Variants in COL5A2 observed in about 807,000 individuals in gnomAD.
COL5A2 encodes the protein collagen type V alpha 2 chain, also known as collagen alpha-2(V) chain.
A neutral mutation model predicts 208.2 loss-of-function variants in COL5A2; 23 were observed. The ratio of observed to expected loss-of-function variants is 0.11; its 90% CI spans 0.08 to 0.16. The LOEUF is 0.16. COL5A2 is among the 10% of genes least tolerant of loss of function. COL5A2 has a pLI of 1.00. For synonymous variants in COL5A2, 625 were observed against 628.5 expected (o/e 0.99, Z 0.08); for missense variants, 1,590 against 1,956.4 (o/e 0.81, Z 3.53).
chr2:189,066,342 C>T (rs1167355222), intron 23 of COL5A2, 48 bp downstream of exon 23: 2 of 1,508,208 alleles, frequency 1.3e-6, no homozygotes, highest in Admixed American at 1.7e-5. Context: ...GACTTACACA[C>T]ATAATTCCCT....
the COL5A2 span, among the ~76,000 whole-genome samples, chr2:189,289,864 T>C: frequency 2.0e-5 from 3 of 152,180 alleles, no homozygotes; most frequent in Non-Finnish European, 2.9e-5. Flanking sequence ...AACAGAAATA[T>C]TTTGTGTTCA....
At chr2:189,158,605 T>A (rs1356169) in intron 1 of COL5A2, among the ~76,000 whole-genome samples, 146,698 of 152,168 alleles carry the variant, frequency 0.96, 70,968 homozygotes, top group East Asian at 1. Context: ...TCTCTCAAAA[T>A]TAGTTAGAAA....
chr2:189,432,130 T>C, the COL5A2 span, among the ~76,000 whole-genome samples: 1 of 152,190 alleles, frequency 6.6e-6, no homozygotes, highest in Non-Finnish European at 1.5e-5. Flanking sequence ...TGAAATCCTT[T>C]ACCGACAAGC....
At chr2:189,042,456 G>A (rs1206066356) in intron 49 of COL5A2, among the ~76,000 whole-genome samples, 1 of 152,130 alleles carries the variant, frequency 6.6e-6, no homozygotes, top group African/African-American at 2.4e-5. Context: ...TTAACACAAT[G>A]TAACAAAATG....
intron 1 of COL5A2, among the ~76,000 whole-genome samples, chr2:189,198,384 A>G (rs1450212474): frequency 6.6e-6 from 1 of 152,222 alleles, no homozygotes; most frequent in African/African-American, 2.4e-5. Context: ...TAATTTGATT[A>G]TAAGCAAAAG....
chr2:189,351,579 CAT>C, the COL5A2 span, among the ~76,000 whole-genome samples: 4 of 152,080 alleles, frequency 2.6e-5, no homozygotes, highest in African/African-American at 9.7e-5. Flanking sequence ...TCAATACTTA[CAT>C]ATATATTGTA....
chr2:189,326,669 T>A, the COL5A2 span, among the ~76,000 whole-genome samples: 1 of 151,928 alleles, frequency 6.6e-6, no homozygotes, highest in Non-Finnish European at 1.5e-5. Flanking sequence ...CCATCCTGGG[T>A]GACAGAGGAA....
chr2:189,073,485 C>T (rs563592079), intron 17 of COL5A2, among the ~76,000 whole-genome samples: 1 of 152,214 alleles, frequency 6.6e-6, no homozygotes, highest in African/African-American at 2.4e-5. Flanking sequence ...TTAAAAAATA[C>T]TGATTTCTGA....
chr2:189,291,853 T>C, the COL5A2 span, among the ~76,000 whole-genome samples: 2 of 152,170 alleles, frequency 1.3e-5, no homozygotes, highest in African/African-American at 2.4e-5. Context: ...TTTCTAGGAT[T>C]ATACTGAAAA....
chr2:189,440,080 T>G, the COL5A2 span, among the ~76,000 whole-genome samples: 1 of 152,202 alleles, frequency 6.6e-6, no homozygotes, highest in Non-Finnish European at 1.5e-5. Flanking sequence ...TTATTAAATA[T>G]CTCCCTTTCT....
At chr2:189,291,430 G>A in the COL5A2 span, among the ~76,000 whole-genome samples, 2 of 152,050 alleles carry the variant, frequency 1.3e-5, no homozygotes, top group South Asian at 2.1e-4. Flanking sequence ...AGAATAAAAT[G>A]ACAAATTCAT....
the COL5A2 span, among the ~76,000 whole-genome samples, chr2:189,401,187 C>A: frequency 6.6e-6 from 1 of 152,168 alleles, no homozygotes; most frequent in African/African-American, 2.4e-5. Flanking sequence ...ATGAACTATT[C>A]TTCCTGAGGC....
intron 1 of COL5A2, among the ~76,000 whole-genome samples, chr2:189,114,767 G>C (rs1166869837): frequency 1.1e-4 from 16 of 151,888 alleles, no homozygotes; most frequent in Admixed American, 1.1e-3. Context: ...TTAATACCTA[G>C]GTGATGGGCT....
the COL5A2 span, among the ~76,000 whole-genome samples, chr2:189,366,867 T>C: frequency 1.3e-5 from 2 of 152,208 alleles, no homozygotes; most frequent in South Asian, 4.1e-4. Context: ...ATTATATCAT[T>C]GTCACGACTT....
chr2:189,204,143 C>A (rs563852231), intron 1 of COL5A2, among the ~76,000 whole-genome samples: 1 of 152,232 alleles, frequency 6.6e-6, no homozygotes, highest in South Asian at 2.1e-4. Flanking sequence ...GTGATCCGCC[C>A]GCCTCGGCCT....
At chr2:189,096,727 T>A (rs535489636) in intron 6 of COL5A2, among the ~76,000 whole-genome samples, 1 of 152,306 alleles carries the variant, frequency 6.6e-6, no homozygotes, top group East Asian at 1.9e-4. Context: ...ATATATTATA[T>A]AATATCCTCA....
intron 1 of COL5A2, among the ~76,000 whole-genome samples, chr2:189,154,275 T>C (rs1291205510): frequency 2.0e-5 from 3 of 152,180 alleles, no homozygotes; most frequent in Non-Finnish European, 4.4e-5. Flanking sequence ...AGTAATGAAA[T>C]GAATGCATAG....
intron 1 of COL5A2, 83 bp from the exon 2 acceptor site, chr2:189,110,532 T>C (rs1270157259): frequency 1.5e-6 from 2 of 1,325,396 alleles, no homozygotes; most frequent in Non-Finnish European, 2.1e-6. Context: ...TTGTGGATTC[T>C]AAAAAATTCT....
At chr2:189,335,217 T>A in the COL5A2 span, among the ~76,000 whole-genome samples, 1 of 151,986 alleles carries the variant, frequency 6.6e-6, no homozygotes, top group African/African-American at 2.4e-5. Context: ...GAACAAAAGT[T>A]AACACTATCA....
Sources: allele counts gnomAD v4.1 joint callset (sites outside exome capture counted in the v4.1 genomes callset), GRCh38; gene constraint gnomAD v4.1.1; transcripts MANE v1.5; gene names NCBI Gene and HGNC (gene_info 2026-07-23, HGNC 2026-07-21).